The following UGGT1 variants were observed in gnomAD, a reference collection of about 807,000 sequenced individuals.
UGGT1 encodes UDP-glucose glycoprotein glucosyltransferase 1, also known as UDP-glucose:glycoprotein glucosyltransferase 1.
Under a neutral mutation model 203.9 loss-of-function variants are expected in UGGT1, and 107 were observed. The observed-to-expected ratio is 0.52, with a 90% CI of 0.45 to 0.62. The LOEUF is 0.62. Among genes scored for constraint, UGGT1 ranks in the 20% least tolerant of loss-of-function variants. UGGT1 has a pLI of 0.00. For missense variants in UGGT1, 1,673 were observed against 1,867.2 expected (o/e 0.90, Z 1.92); for synonymous variants, 628 against 653.5 (o/e 0.96, Z 0.59).
At position 128,170,314 on chromosome 2, in the gene UGGT1, G is replaced by T. The variant is rs760381547; in HGVS notation, c.2948G>T (p.Gly983Val). The change falls in exon 27 of 41, where the codon GGG (glycine) becomes GTG (valine). Residue 983 changes from glycine to valine, a missense_variant. Around this residue, in one of 4 missense-constraint regions of UGGT1, gnomAD observed 1,073 missense variants for 1,078.7 expected, o/e 0.99. Coordinates refer to ENST00000259253, the MANE Select transcript of UGGT1 (RefSeq NM_020120.4). ...HSAIKLRPKE[G>V]ETYFDVVAVV... ...GCAATCAAACTGAGGCCGAAGGAAG[G>T]GGAGACATACTTTGATGTTGTGGCT... 20 of 1,614,196 alleles carry T rather than the reference G, an allele frequency of 1.2e-5. No homozygotes were observed. Among genetic ancestry groups the T allele is most frequent in the Admixed American group, 1.7e-5 (1 of 60,020 alleles).
rs771562188 is a variant in UGGT1 at position 128,129,058 on chromosome 2, G to C, written c.1256G>C (p.Arg419Pro). ...TTTGATGTGTTGAGGAATGAAGCTC[G>C]GGTAATGGAGGGTCTGCATAGATTG... Reference protein sequence around the residue: ...SLFDVLRNEARVMEGLHRLGI... With the variant: ...SLFDVLRNEAPVMEGLHRLGI... The change falls in exon 13 of 41, where the codon CGG (arginine) becomes CCG (proline). Residue 419 changes from arginine (R) to proline (P), a missense_variant. This residue lies in a region of UGGT1 where 1,073 missense variants were observed against 1,078.7 expected (regional missense o/e 0.99). Coordinates refer to ENST00000259253, the MANE Select transcript of UGGT1 (RefSeq NM_020120.4). 7 of 1,611,008 alleles carry C rather than the reference G, an allele frequency of 4.3e-6. No individual in the cohort carries two copies. The highest frequency in any genetic ancestry group is 5.9e-6 in the Non-Finnish European group (7 of 1,179,200).
intron 7 of UGGT1, among the ~76,000 whole-genome samples, chr2:128,115,495 A>G (rs61195627): frequency 5.9e-5 from 9 of 151,384 alleles, no homozygotes; most frequent in Non-Finnish European, 1.0e-4. Flanking sequence ...AAAAAAAAAA[A>G]AAAAAAAAAA....
At chr2:128,157,063 CTG>C (rs1690271570) in intron 21 of UGGT1, among the ~76,000 whole-genome samples, 187 bp from the exon 22 acceptor site, 1 of 152,192 alleles carries the variant, frequency 6.6e-6, no homozygotes, top group Admixed American at 6.5e-5. Context: ...TAACTAAACT[CTG>C]TGGAAGATTC....
In UGGT1 at chr2:128,187,300, C is replaced by T. The variant is rs187351223; in HGVS notation, c.4477-149C>T. The T allele has an allele frequency of 1.9e-4, 142 of 763,824 alleles. 1 individual carries two copies. The African/African-American group carries it at 2.3e-3, about 12-fold the overall frequency. The allele number at this position is 763,824 out of a possible 1,614,324, so 47.3% of individuals were successfully genotyped here. A position where few individuals can be genotyped will look rare whatever the true frequency, so the allele number is the denominator to read the frequency against. The stretch of plus-strand genomic sequence containing the variant: ...AGATGTAAATACAGCTTTACATAGC[C>T]CACTACCATATTGCTTCTGGTAGTA... On this transcript the variant is annotated intron_variant, in intron 39 of 40. Coordinates refer to ENST00000259253, the MANE Select transcript of UGGT1 (RefSeq NM_020120.4).
intron 38 of UGGT1, among the ~76,000 whole-genome samples, chr2:128,184,767 C>T (rs1438613260): frequency 2.0e-5 from 3 of 152,094 alleles, no homozygotes; most frequent in Admixed American, 6.6e-5. Flanking sequence ...CTGCAACCTC[C>T]ACCTCCCGGG....
intron 2 of UGGT1, among the ~76,000 whole-genome samples, chr2:128,101,149 A>G (rs1177653232): frequency 6.6e-6 from 1 of 152,160 alleles, no homozygotes; most frequent in Non-Finnish European, 1.5e-5. Context: ...CATAGAAATG[A>G]GCTATGCTTA....
At chr2:128,112,425 A>G (rs1349931613) in intron 5 of UGGT1, among the ~76,000 whole-genome samples, 10 of 77,804 alleles carry the variant, frequency 1.3e-4, no homozygotes, top group Admixed American at 3.3e-4. Context: ...CATCTCCAAA[A>G]AAAAAAAAAC....
At chr2:128,175,357 T>A (rs1691320902) in intron 31 of UGGT1, among the ~76,000 whole-genome samples, 1 of 152,236 alleles carries the variant, frequency 6.6e-6, no homozygotes, top group African/African-American at 2.4e-5. Flanking sequence ...GCTTTTACCT[T>A]AAGGTTTACT....
intron 14 of UGGT1, among the ~76,000 whole-genome samples, chr2:128,133,957 G>A (rs1689005356): frequency 6.6e-6 from 1 of 152,088 alleles, no homozygotes; most frequent in South Asian, 2.1e-4. Context: ...AGAGATAGTG[G>A]TAGGGTTAGT....
At chr2:128,111,172 G>A (rs1443886514) in intron 5 of UGGT1, among the ~76,000 whole-genome samples, 1 of 152,116 alleles carries the variant, frequency 6.6e-6, no homozygotes, top group Non-Finnish European at 1.5e-5. Flanking sequence ...GTGCAACAAA[G>A]TGAGACCCAG....
In UGGT1 at chr2:128,129,070, G is replaced by T. The variant is rs1688751329; in HGVS notation, c.1268G>T (p.Gly423Val). ...AGGAATGAAGCTCGGGTAATGGAGG[G>T]TCTGCATAGATTGGGAATAGAAGGC... ...VLRNEARVME[G>V]LHRLGIEGLS... Residue 423 changes from glycine (G) to valine (V), a missense_variant, in exon 13 of 41, where the codon GGT becomes GTT. By Grantham distance (109) the Gly-to-Val change is moderately radical. Around this residue, in one of 4 missense-constraint regions of UGGT1, gnomAD observed 1,073 missense variants for 1,078.7 expected, o/e 0.99. Coordinates refer to ENST00000259253, the MANE Select transcript of UGGT1 (RefSeq NM_020120.4). 1 of 1,613,822 alleles carries T rather than the reference G, an allele frequency of 6.2e-7. No individual in the cohort carries two copies. The highest frequency in any genetic ancestry group is 8.5e-7 in the Non-Finnish European group (1 of 1,179,940).
chr2:128,180,070 G>T (rs1691609132), intron 35 of UGGT1, among the ~76,000 whole-genome samples, 200 bp downstream of exon 35: 1 of 152,162 alleles, frequency 6.6e-6, no homozygotes, highest in Non-Finnish European at 1.5e-5. Context: ...TTAAAAACTT[G>T]GATGATATGG....
At position 128,129,023 on chromosome 2, in the gene UGGT1, C is replaced by T. The variant is rs755080281; in HGVS notation, c.1227-6C>T. On this transcript the variant is annotated splice_region_variant and splice_polypyrimidine_tract_variant and intron_variant, in intron 12 of 40. Transcript: ENST00000259253. ...AGTAAATATCTCTTTTTGTTTTTCCCCCCAGTCTGTTTGATGTGTTGAGGA... is the reference window on the plus strand; with the variant it reads ...AGTAAATATCTCTTTTTGTTTTTCCTCCCAGTCTGTTTGATGTGTTGAGGA... 3.9e-6 allele frequency: 6 copies of T among 1,557,086 alleles called. No homozygotes were observed. Among genetic ancestry groups the T allele is most frequent in the Middle Eastern group, 1.7e-4 (1 of 5,830 alleles).
chr2:128,141,140 A>G (rs1410543382), intron 16 of UGGT1, among the ~76,000 whole-genome samples: 1 of 152,068 alleles, frequency 6.6e-6, no homozygotes, highest in East Asian at 2.0e-4. Context: ...CCTGGCCAAC[A>G]TGGTGAAACC....
rs542356971 is a variant in UGGT1, at chr2:128,138,628, A to C, written c.1584-89A>C. On this transcript the variant is annotated intron_variant, in intron 15 of 40. Coordinates refer to ENST00000259253, the MANE Select transcript of UGGT1 (RefSeq NM_020120.4). ...CAAAGAGTTTTCCTCTGTTAGCTAT[A>C]ATGTATGAGAAGGGTACAAGGATGT... 3.9e-4 allele frequency: 562 copies of C among 1,448,090 alleles called. 1 individual carries two copies. In the African/African-American group the frequency reaches 7.3e-3, roughly 19 times the overall value. 89.7% of individuals were successfully genotyped at this position (1,448,090 alleles called of 1,614,324 possible). A position where few individuals can be genotyped will look rare whatever the true frequency, so the allele number is the denominator to read the frequency against.
intron 18 of UGGT1, among the ~76,000 whole-genome samples, chr2:128,149,393 C>T (rs1689838095): frequency 6.7e-6 from 1 of 148,522 alleles, no homozygotes; most frequent in South Asian, 2.1e-4. Flanking sequence ...GCCTGTAATC[C>T]CAGCACTTTG....
At position 128,192,550 on chromosome 2, in the gene UGGT1, C is replaced by T. The variant is rs1692318319; in HGVS notation, c.*2808C>T. On this transcript the variant is annotated 3_prime_UTR_variant, in exon 41 of 41. Transcript: ENST00000259253. ...GAGACTTTTGTTTGTGAGTAAGTGA[C>T]AGAGTAATATGAAATAATGTGATAT... The T allele has an allele frequency of 6.6e-6, 1 of 152,108 alleles. No homozygotes were observed. Among genetic ancestry groups the T allele is most frequent in the Admixed American group, 6.6e-5 (1 of 15,260 alleles). The allele number at this position is 152,108 out of a possible 1,614,324, so 9.4% of individuals were successfully genotyped here. A position where few individuals can be genotyped will look rare whatever the true frequency, so the allele number is the denominator to read the frequency against.
At chr2:128,165,514 A>G (rs1690743985) in intron 26 of UGGT1, among the ~76,000 whole-genome samples, 1 of 152,156 alleles carries the variant, frequency 6.6e-6, no homozygotes, top group South Asian at 2.1e-4. Context: ...CCTGGCCAAC[A>G]TGGTGAAACC....
rs1046094877 is a variant in UGGT1 at position 128,189,996 on chromosome 2, C to A, written c.*254C>A. The A allele has an allele frequency of 2.5e-6, 1 of 393,808 alleles. No individual in the cohort carries two copies. Among genetic ancestry groups the A allele is most frequent in the Admixed American group, 3.9e-5 (1 of 25,580 alleles). 24.4% of individuals were successfully genotyped at this position (393,808 alleles called of 1,614,324 possible). A position where few individuals can be genotyped will look rare whatever the true frequency, so the allele number is the denominator to read the frequency against. On this transcript the variant is annotated 3_prime_UTR_variant, in exon 41 of 41. Transcript: ENST00000259253. ...TTTGGACTCTGTAAAGAGCATTCTT[C>A]TAGTCAGAGGGTGGAATGGCAGCAG...
Sources: allele counts gnomAD v4.1 joint callset (sites outside exome capture counted in the v4.1 genomes callset), GRCh38; gene constraint gnomAD v4.1.1; regional missense constraint gnomAD v4.1.1; transcripts MANE v1.5; gene names NCBI Gene and HGNC (gene_info 2026-07-23, HGNC 2026-07-21).